The following RYR2 variants were observed in gnomAD, a reference collection of about 807,000 sequenced individuals.
RYR2 encodes ryanodine receptor 2, also known as cardiac muscle ryanodine receptor-calcium release channel.
In RYR2, 227 loss-of-function variants were observed where a neutral mutation model predicts 601.1. That is an observed-to-expected ratio of 0.38 (90% CI 0.34 to 0.42). The LOEUF (loss-of-function observed/expected upper bound fraction) is 0.42. RYR2 is among the 10% of genes least tolerant of loss of function. RYR2 has a pLI of 1.00. For missense variants in RYR2, 4,646 were observed against 6,156.5 expected (o/e 0.75, Z 8.21); for synonymous variants, 2,223 against 2,175.1 (o/e 1.02, Z -0.61).
intron 84 of RYR2, among the ~76,000 whole-genome samples, chr1:237,766,445 T>A (rs1192539348): frequency 6.6e-6 from 1 of 152,170 alleles, no homozygotes; most frequent in Non-Finnish European, 1.5e-5. Flanking sequence ...CTCTGAGTTA[T>A]GCCTAATGAT....
chr1:237,144,850 A>G (rs1673812993), intron 1 of RYR2, among the ~76,000 whole-genome samples: 1 of 152,220 alleles, frequency 6.6e-6, no homozygotes, highest in Non-Finnish European at 1.5e-5. Flanking sequence ...AATACGAGTG[A>G]AACATGCATC....
At position 237,270,543 on chromosome 1, in the gene RYR2, A is replaced by C. The variant is rs909314611; in HGVS notation, c.95A>C (p.Gln32Pro). 3.1e-6 allele frequency: 5 copies of C among 1,598,350 alleles called. No individual in the cohort carries two copies. Among genetic ancestry groups the C allele is most frequent in the Admixed American group, 3.5e-5 (2 of 57,714 alleles). The change falls in exon 2 of 105, where the codon CAA (glutamine) becomes CCA (proline). Residue 32 changes from glutamine to proline, a missense_variant. Coordinates refer to ENST00000366574, the MANE Select transcript of RYR2 (RefSeq NM_001035.3). ...TGCACCGCAACCATCCACAAAGAAC[A>C]ACAGAAGCTATGCTTGGCAGCAGAA... ...LQCTATIHKE[Q>P]QKLCLAAEGF...
intron 63 of RYR2, among the ~76,000 whole-genome samples, chr1:237,695,271 T>C (rs1687317856): frequency 6.6e-6 from 1 of 152,238 alleles, no homozygotes; most frequent in Non-Finnish European, 1.5e-5. Context: ...CTATTGTTAT[T>C]AGACCCAGGT....
At chr1:237,436,439 T>G (rs1293050605) in intron 12 of RYR2, among the ~76,000 whole-genome samples, 1 of 147,618 alleles carries the variant, frequency 6.8e-6, no homozygotes, top group Admixed American at 6.9e-5. Flanking sequence ...AGCCGAGGGA[T>G]AATGTGTGAT....
At chr1:237,224,502 C>A (rs529902096) in intron 1 of RYR2, among the ~76,000 whole-genome samples, 8 of 152,134 alleles carry the variant, frequency 5.3e-5, no homozygotes, top group Non-Finnish European at 1.0e-4. Flanking sequence ...TTAGTAATAG[C>A]TAACATTTAT....
At chr1:237,721,561 A>C (rs1306611185) in intron 73 of RYR2, among the ~76,000 whole-genome samples, 1 of 152,168 alleles carries the variant, frequency 6.6e-6, no homozygotes, top group African/African-American at 2.4e-5. Context: ...TCTGTCACTC[A>C]GACTGGAGGG....
At chr1:237,612,001 G>A (rs1677923929) in intron 36 of RYR2, among the ~76,000 whole-genome samples, 1 of 151,968 alleles carries the variant, frequency 6.6e-6, no homozygotes, top group African/African-American at 2.4e-5. Flanking sequence ...ATGAACAATA[G>A]TAAAAGAAAG....
chr1:237,635,198 T>G (rs1043518950), intron 44 of RYR2, among the ~76,000 whole-genome samples: 2 of 152,228 alleles, frequency 1.3e-5, no homozygotes, highest in Non-Finnish European at 2.9e-5. Flanking sequence ...CATTGCACAC[T>G]ATATAATGTT....
chr1:237,647,233 A>G (rs1175550655), intron 48 of RYR2, among the ~76,000 whole-genome samples: 1 of 152,204 alleles, frequency 6.6e-6, no homozygotes, highest in Non-Finnish European at 1.5e-5. Context: ...CAACTCTGTC[A>G]GTTACTAGGT....
chr1:237,105,554 G>A, intron 1 of RYR2, among the ~76,000 whole-genome samples: 1 of 151,950 alleles, frequency 6.6e-6, no homozygotes, highest in Non-Finnish European at 1.5e-5. Flanking sequence ...AAAATTAGCT[G>A]GGCACAGTGG....
chr1:237,364,674 C>T (rs1035617160), intron 5 of RYR2, among the ~76,000 whole-genome samples: 1 of 150,294 alleles, frequency 6.7e-6, no homozygotes, highest in Admixed American at 6.7e-5. Flanking sequence ...ACTCAACAAA[C>T]AACATTTGAC....
intron 2 of RYR2, among the ~76,000 whole-genome samples, chr1:237,317,896 T>C (rs1050050677): frequency 2.0e-5 from 3 of 152,190 alleles, no homozygotes; most frequent in South Asian, 2.1e-4. Flanking sequence ...AGTTAGATCA[T>C]ATTTTTTATC....
At chr1:237,725,161 G>A (rs1690089824) in intron 74 of RYR2, among the ~76,000 whole-genome samples, 1 of 152,144 alleles carries the variant, frequency 6.6e-6, no homozygotes, top group African/African-American at 2.4e-5. Flanking sequence ...TAGATATGAA[G>A]TAGGTAATCC....
chr1:237,466,633 G>A (rs963156256), intron 16 of RYR2, among the ~76,000 whole-genome samples: 3 of 151,268 alleles, frequency 2.0e-5, no homozygotes, highest in Non-Finnish European at 4.4e-5. Flanking sequence ...CTTTTATTGC[G>A]ATTTATTTTT....
In RYR2 at chr1:237,412,037, C is replaced by T. The variant is rs1410313108; in HGVS notation, c.774-5012C>T. On this transcript the variant is annotated intron_variant, in intron 10 of 104. Coordinates refer to ENST00000366574, the MANE Select transcript of RYR2 (RefSeq NM_001035.3). The stretch of plus-strand genomic sequence containing the variant: ...CCCAACTGTCAAGCTATGAAGAACT[C>T]GTAAGGATTTGTGCTTTTATTAATA... Among the ~76,000 whole-genome samples, 3 of 151,936 alleles carry T rather than the reference C, an allele frequency of 2.0e-5. 1 individual carries two copies. The highest frequency in any genetic ancestry group is 4.2e-4 in the South Asian group (2 of 4,806).
At chr1:237,338,684 A>G (rs1697473662) in intron 3 of RYR2, among the ~76,000 whole-genome samples, 2 of 152,128 alleles carry the variant, frequency 1.3e-5, no homozygotes, top group African/African-American at 4.8e-5. Context: ...GTAGATCTTC[A>G]TATTTCTTTT....
rs554745467 is a variant in RYR2 at position 237,424,441 on chromosome 1, A to G, written c.1005+1193A>G. On this transcript the variant is annotated intron_variant, in intron 12 of 104. Transcript: ENST00000366574. ...ACTGCTAGGAAATTCTTAGTATTCA[A>G]TCGCCTTTCCCATATTTTGTATGCT... Among the ~76,000 whole-genome samples the G allele has an allele frequency of 7.2e-5, 11 of 152,318 alleles. No homozygotes were observed. In the East Asian group the frequency reaches 1.2e-3, roughly 16 times the overall value.
At chr1:237,558,034 C>G (rs543260272) in intron 27 of RYR2, among the ~76,000 whole-genome samples, 1 of 152,142 alleles carries the variant, frequency 6.6e-6, no homozygotes, top group South Asian at 2.1e-4. Flanking sequence ...CATTTTTACA[C>G]TAAGGGAGAG....
At chr1:237,324,951 A>T (rs540582312) in intron 2 of RYR2, among the ~76,000 whole-genome samples, 1 of 152,372 alleles carries the variant, frequency 6.6e-6, no homozygotes, top group East Asian at 1.9e-4. Flanking sequence ...CAGATTTGTC[A>T]TTAGGGCTCT....
Sources: gnomAD v4.1 joint callset for allele counts (sites outside exome capture counted in the v4.1 genomes callset) on GRCh38, gnomAD v4.1.1 for gene constraint, MANE v1.5 for transcripts, NCBI Gene and HGNC (gene_info 2026-07-23, HGNC 2026-07-21) for gene names.